The following LOC112694756 variants were observed in gnomAD, a reference collection of about 807,000 sequenced individuals.
chr16:30,060,133 C>T, the LOC112694756 span, among the ~76,000 whole-genome samples: 2 of 152,040 alleles, frequency 1.3e-5, no homozygotes, highest in Non-Finnish European at 2.9e-5. Context: ...CGTGCGCCAC[C>T]ATGCCCAGCT....
At chr16:30,055,109 G>A in the LOC112694756 span, 14 of 398,778 alleles carry the variant, frequency 3.5e-5, no homozygotes, top group East Asian at 2.8e-4. Context: ...CTTTCCCCTC[G>A]GGAAAGCTGC....
the LOC112694756 span, chr16:30,069,686 C>T: frequency 3.7e-6 from 6 of 1,613,122 alleles, no homozygotes; most frequent in Admixed American, 1.7e-5. Flanking sequence ...GAGGCCCACA[C>T]TCATCTTGAT....
the LOC112694756 span, among the ~76,000 whole-genome samples, chr16:30,057,905 TG>T: frequency 2.6e-5 from 4 of 151,176 alleles, no homozygotes; most frequent in Non-Finnish European, 4.4e-5. Flanking sequence ...CACTCCAGCC[TG>T]GGTGACAGAG....
the LOC112694756 span, chr16:30,067,099 G>C: frequency 6.4e-7 from 1 of 1,568,686 alleles, no homozygotes; most frequent in Non-Finnish European, 8.6e-7. Flanking sequence ...GACCAGAAGT[G>C]CCCCAGGGCC....
chr16:30,054,882 T>C, the LOC112694756 span: 2 of 399,024 alleles, frequency 5.0e-6, no homozygotes, highest in African/African-American at 4.1e-5. Flanking sequence ...TGGGCATCTA[T>C]TTGTTGCTGC....
At chr16:30,067,126 G>T in the LOC112694756 span, 1 of 1,578,144 alleles carries the variant, frequency 6.3e-7, no homozygotes, top group South Asian at 1.1e-5. Context: ...GTGTGGGGCA[G>T]GGGAGGTAGG....
At chr16:30,067,902 G>A in the LOC112694756 span, 1 of 573,180 alleles carries the variant, frequency 1.7e-6, no homozygotes. Context: ...CTCAGAGTAA[G>A]TGGCAGAGCC....
At chr16:30,061,099 G>C in the LOC112694756 span, among the ~76,000 whole-genome samples, 1 of 152,258 alleles carries the variant, frequency 6.6e-6, no homozygotes, top group Admixed American at 6.5e-5. Context: ...GCCATCCTGG[G>C]CCACTTCAGC....
At chr16:30,063,903 C>T in the LOC112694756 span, 2 of 399,086 alleles carry the variant, frequency 5.0e-6, no homozygotes, top group Non-Finnish European at 8.8e-6. Context: ...TGCCCTCCTC[C>T]CTGAAGAGCC....
At chr16:30,059,222 G>T in the LOC112694756 span, among the ~76,000 whole-genome samples, 3 of 152,122 alleles carry the variant, frequency 2.0e-5, no homozygotes, top group Non-Finnish European at 2.9e-5. Flanking sequence ...TTCAGGCCGG[G>T]TGCGGTGGCT....
the LOC112694756 span, among the ~76,000 whole-genome samples, chr16:30,065,136 G>C: frequency 1.3e-5 from 2 of 152,220 alleles, no homozygotes; most frequent in Non-Finnish European, 2.9e-5. Flanking sequence ...CTGGAACTCG[G>C]ATGGGGAGGT....
At chr16:30,070,182 G>T in the LOC112694756 span, 14 of 1,614,046 alleles carry the variant, frequency 8.7e-6, no homozygotes, top group Non-Finnish European at 1.2e-5. Context: ...CTGCCAGCGA[G>T]TCCCTCTTCG....
At chr16:30,068,653 A>G in the LOC112694756 span, 1 of 1,614,184 alleles carries the variant, frequency 6.2e-7, no homozygotes, top group Non-Finnish European at 8.5e-7. Context: ...CAGGTAGACA[A>G]GGGCGTGGTC....
At chr16:30,065,755 C>G in the LOC112694756 span, 1 of 152,606 alleles carries the variant, frequency 6.6e-6, no homozygotes, top group Non-Finnish European at 1.5e-5. Flanking sequence ...CGCCGCCTTC[C>G]GCCTGCCCGC....
At chr16:30,068,636 A>G in the LOC112694756 span, 1 of 1,614,056 alleles carries the variant, frequency 6.2e-7, no homozygotes. Flanking sequence ...TGTTACCCTG[A>G]CCCCAACAGG....
chr16:30,068,508 C>T, the LOC112694756 span: 34 of 954,566 alleles, frequency 3.6e-5, no homozygotes, highest in African/African-American at 4.9e-5. Context: ...GAGGCTGAGG[C>T]GGGAGGATCA....
At chr16:30,069,187 G>A in the LOC112694756 span, 1 of 1,367,996 alleles carries the variant, frequency 7.3e-7, no homozygotes, top group South Asian at 1.2e-5. Flanking sequence ...TAATCTGAGG[G>A]CTTTGAAGCC....
chr16:30,055,074 C>G, the LOC112694756 span: 12 of 398,954 alleles, frequency 3.0e-5, no homozygotes, highest in African/African-American at 2.3e-4. Context: ...GGTCCCTCCT[C>G]TCCTGTCCCC....
At chr16:30,070,058 G>C in the LOC112694756 span, 1 of 1,613,650 alleles carries the variant, frequency 6.2e-7, no homozygotes, top group Non-Finnish European at 8.5e-7. Context: ...TGGGCAGGGT[G>C]CCTGGGTGGA....
Sources: gnomAD v4.1 joint callset for allele counts (sites outside exome capture counted in the v4.1 genomes callset) on GRCh38, gnomAD v4.1.1 for gene constraint, MANE v1.5 for transcripts.